Variants in FAT1 observed in about 807,000 individuals in gnomAD.
FAT1 encodes the protein protocadherin Fat 1.
Under a neutral mutation model 329.8 loss-of-function variants are expected in FAT1, and 171 were observed. That is an observed-to-expected ratio of 0.52 (90% confidence interval 0.46 to 0.59). The LOEUF (loss-of-function observed/expected upper bound fraction) is 0.59. FAT1 is among the 20% of genes least tolerant of loss of function. The probability of loss-of-function intolerance (pLI) is 0.00; values close to 1 mark genes in which losing one functional copy is unlikely to be tolerated. For synonymous variants in FAT1, 2,233 were observed against 2,228.6 expected (o/e 1.00, Z -0.06); for missense variants, 5,672 against 5,774.4 (o/e 0.98, Z 0.57).
At chr4:186,644,548 T>C (rs968510724) in intron 3 of FAT1, among the ~76,000 whole-genome samples, 2 of 152,194 alleles carry the variant, frequency 1.3e-5, no homozygotes, top group African/African-American at 4.8e-5. Context: ...CAGAAATGTA[T>C]GCACAATGCA....
chr4:186,711,737 T>C (rs1203484412), intron 1 of FAT1, among the ~76,000 whole-genome samples: 1 of 152,092 alleles, frequency 6.6e-6, no homozygotes, highest in Non-Finnish European at 1.5e-5. Context: ...GGCCAAAACA[T>C]GGTGAAACCC....
intron 2 of FAT1, among the ~76,000 whole-genome samples, chr4:186,702,073 G>A (rs566262726): frequency 1.3e-5 from 2 of 151,786 alleles, no homozygotes; most frequent in South Asian, 2.1e-4. Flanking sequence ...GCCAGGAGCC[G>A]ACCTCCACAC....
chr4:186,607,943 C>A (rs1003531676), intron 16 of FAT1, among the ~76,000 whole-genome samples: 2 of 152,216 alleles, frequency 1.3e-5, no homozygotes, highest in Non-Finnish European at 2.9e-5. Context: ...GTCTCTAAAT[C>A]TGACTAAAAT....
At chr4:186,600,496 G>T in intron 21 of FAT1, 136 bp from the exon 22 acceptor site, 1 of 674,722 alleles carries the variant, frequency 1.5e-6, no homozygotes. Context: ...ACAGAGCACA[G>T]ATTCATTTGT....
intron 2 of FAT1, among the ~76,000 whole-genome samples, chr4:186,695,882 C>A (rs1744009491): frequency 6.6e-6 from 1 of 152,086 alleles, no homozygotes; most frequent in South Asian, 2.1e-4. Flanking sequence ...ACCTCCAGCT[C>A]CCAGATTCAA....
intron 2 of FAT1, among the ~76,000 whole-genome samples, chr4:186,695,813 C>A (rs956182632): frequency 7.0e-6 from 1 of 143,514 alleles, no homozygotes; most frequent in Non-Finnish European, 1.5e-5. Context: ...ATTTTTGAGA[C>A]GGAGTTTCAC....
intron 3 of FAT1, among the ~76,000 whole-genome samples, chr4:186,654,330 A>G (rs6830563): frequency 2.6e-5 from 4 of 152,076 alleles, no homozygotes; most frequent in Admixed American, 2.6e-4. Context: ...ACTCCTAACG[A>G]AAGTTCTGTT....
At position 186,628,324 on chromosome 4, in the gene FAT1, C is replaced by G. The variant is rs930373521; in HGVS notation, c.4640G>C (p.Arg1547Thr). Residue 1547 changes from arginine to threonine, a missense_variant, in exon 9 of 27, where the codon AGG becomes ACG. Arg to Thr is a moderately conservative substitution (Grantham distance 71). This residue lies in a region of FAT1 where 3,966 missense variants were observed against 3,915.2 expected (regional missense o/e 1.01). Coordinates refer to ENST00000441802, the MANE Select transcript of FAT1 (RefSeq NM_005245.4). ...QDVPVKRNFA[R>T]IVVNVSDTND... ...CGTGTCGCTGACATTGACCACAATC[C>G]TTGCAAAGTTGCGTTTTACAGGCAC... The G allele has an allele frequency of 6.2e-7, 1 of 1,613,420 alleles. No individual in the cohort carries two copies. Among genetic ancestry groups the G allele is most frequent in the East Asian group, 2.2e-5 (1 of 44,874 alleles).
chr4:186,665,174 C>T (rs1367968178), intron 2 of FAT1, among the ~76,000 whole-genome samples: 1 of 152,120 alleles, frequency 6.6e-6, no homozygotes, highest in African/African-American at 2.4e-5. Flanking sequence ...TCATACTGAA[C>T]CTTCAGAAAG....
intron 3 of FAT1, among the ~76,000 whole-genome samples, chr4:186,649,843 C>T (rs1042997024): frequency 2.0e-5 from 3 of 152,132 alleles, no homozygotes; most frequent in African/African-American, 4.8e-5. Flanking sequence ...CCAAAAACTA[C>T]ATATGTTTAA....
rs2126687370 is a variant in FAT1, at chr4:186,707,299, C to T, written c.2529G>A (p.Gln843=). The change falls in exon 2 of 27, where the codon CAG becomes CAA. Residue 843 remains glutamine (Q), a synonymous_variant. Coordinates refer to ENST00000441802, the MANE Select transcript of FAT1 (RefSeq NM_005245.4). ...CCAGGTCTTTATCTGTGGCTTCAACCTGGATGATTTCACTATGTACCTCCT... is the reference window on the plus strand; with the variant it reads ...CCAGGTCTTTATCTGTGGCTTCAACTTGGATGATTTCACTATGTACCTCCT... ...EDKEVHSEII[Q]VEATDKDLGP... 3 of 1,613,956 alleles carry T rather than the reference C, an allele frequency of 1.9e-6. No individual in the cohort carries two copies. The highest frequency in any genetic ancestry group is 1.6e-4 in the Middle Eastern group (1 of 6,062).
intron 2 of FAT1, among the ~76,000 whole-genome samples, chr4:186,683,350 G>T (rs1164393457): frequency 6.6e-6 from 1 of 152,028 alleles, no homozygotes; most frequent in Non-Finnish European, 1.5e-5. Flanking sequence ...CATCCACCTT[G>T]CAAACTGTGG....
At chr4:186,649,533 G>T (rs1040522158) in intron 3 of FAT1, among the ~76,000 whole-genome samples, 1 of 152,192 alleles carries the variant, frequency 6.6e-6, no homozygotes, top group African/African-American at 2.4e-5. Context: ...CTTTTTAAGA[G>T]AAAGGTAGAG....
rs762315291 is a variant in FAT1 at position 186,603,918 on chromosome 4, A to T, written c.10608T>A (p.Ile3536=). 1 of 1,613,762 alleles carries T rather than the reference A, an allele frequency of 6.2e-7. No homozygotes were observed. Among genetic ancestry groups the T allele is most frequent in the African/African-American group, 1.3e-5 (1 of 74,900 alleles). The part of the protein sequence containing the change: ...SSLTYIDIRV[I]EESIYPPAIL... ...TCGCAGGCGGATAGATGCTCTCCTC[A>T]ATTACCCTAATGTCAATGTATGTCA... The change falls in exon 19 of 27, where the codon ATT becomes ATA. Residue 3536 remains isoleucine (I), a synonymous_variant. Coordinates refer to ENST00000441802, the MANE Select transcript of FAT1 (RefSeq NM_005245.4).
chr4:186,700,226 A>G (rs987101869), intron 2 of FAT1, among the ~76,000 whole-genome samples: 1 of 152,198 alleles, frequency 6.6e-6, no homozygotes, highest in East Asian at 1.9e-4. Context: ...CATCTTAAAC[A>G]TGGTTTCCAC....
In FAT1 at chr4:186,621,242, T is replaced by A. The variant is rs776845376; in HGVS notation, c.5344A>T (p.Ser1782Cys). 7 of 1,614,062 alleles carry A rather than the reference T, an allele frequency of 4.3e-6. No individual in the cohort carries two copies. Among genetic ancestry groups the A allele is most frequent in the Non-Finnish European group, 5.9e-6 (7 of 1,179,894 alleles). The change falls in exon 10 of 27, where the codon AGC (serine) becomes TGC (cysteine). Residue 1782 changes from serine (S) to cysteine (C), a missense_variant. By Grantham distance (112) the Ser-to-Cys change is moderately radical. Transcript: ENST00000441802. The stretch of plus-strand genomic sequence containing the variant: ...ACATTCCTGTCTGTTAGGACCACGC[T>A]GTTAATTGAGGCTGATTCACTAATG... The part of the protein sequence containing the change: ...GLISESASIN[S>C]VVLTDRNVPL...
rs2126493012 is a variant in FAT1 at position 186,618,264 on chromosome 4, A to C, written c.8322T>G (p.Tyr2774Ter). 6.2e-7 allele frequency: 1 copy of C among 1,614,036 alleles called. No homozygotes were observed. The highest frequency in any genetic ancestry group is 8.5e-7 in the Non-Finnish European group (1 of 1,179,896). The part of the protein sequence containing the change: ...KSLDHETTKW[Y>*]QFSILARCTQ... ...TGCACCTGGCCAGTATGGAAAACTG[A>C]TACCACTTAGTTGTCTCATGATCAA... Residue 2774 changes from tyrosine (Y) to a stop codon, truncating the protein, a stop_gained, in exon 10 of 27, where the codon TAT becomes TAG. Coordinates refer to ENST00000441802, the MANE Select transcript of FAT1 (RefSeq NM_005245.4). LOFTEE classifies it high-confidence loss of function.
chr4:186,676,456 C>T (rs1742963713), intron 2 of FAT1, among the ~76,000 whole-genome samples: 1 of 152,046 alleles, frequency 6.6e-6, no homozygotes, highest in Admixed American at 6.5e-5. Flanking sequence ...TAATCTGAAG[C>T]ATATAAGGAG....
chr4:186,599,373 G>A (rs1253379758), intron 22 of FAT1, among the ~76,000 whole-genome samples: 1 of 152,118 alleles, frequency 6.6e-6, no homozygotes, highest in Non-Finnish European at 1.5e-5. Context: ...GGGCCTAACA[G>A]GAGTCCAGGG....
Sources: allele counts gnomAD v4.1 joint callset (sites outside exome capture counted in the v4.1 genomes callset), GRCh38; gene constraint gnomAD v4.1.1; regional missense constraint gnomAD v4.1.1; transcripts MANE v1.5; gene names NCBI Gene and HGNC (gene_info 2026-07-23, HGNC 2026-07-21).